The following FBLN5 variants were observed in gnomAD, a reference collection of about 807,000 sequenced individuals.
FBLN5 encodes the protein fibulin 5.
In FBLN5, 24 loss-of-function variants were observed where a neutral mutation model predicts 61.6. That is an observed-to-expected ratio of 0.39 (90% CI 0.28 to 0.55). The LOEUF (loss-of-function observed/expected upper bound fraction) is 0.55, where lower values mean the gene tolerates loss of function less well. Among genes scored for constraint, FBLN5 ranks in the 20% least tolerant of loss-of-function variants. The pLI is 0.65. For missense variants in FBLN5, 470 were observed against 594.1 expected, an observed-to-expected ratio of 0.79 and a Z score of 2.17; for synonymous variants, 213 against 219.8, an observed-to-expected ratio of 0.97 and a Z score of 0.27.
intron 4 of FBLN5, among the ~76,000 whole-genome samples, chr14:91,904,922 C>T (rs1890617679): frequency 6.6e-6 from 1 of 152,170 alleles, no homozygotes; most frequent in Non-Finnish European, 1.5e-5. Flanking sequence ...TGGGAAAGAA[C>T]TTTATTCTCA....
At chr14:91,883,141 C>G in intron 7 of FBLN5, 65 bp from the exon 8 acceptor site, 1 of 1,566,314 alleles carries the variant, frequency 6.4e-7, no homozygotes, top group Non-Finnish European at 8.8e-7. Flanking sequence ...AGCTTAGTGG[C>G]CATCTACTCC....
At chr14:91,899,500 T>C (rs1351743056) in intron 4 of FBLN5, among the ~76,000 whole-genome samples, 1 of 152,218 alleles carries the variant, frequency 6.6e-6, no homozygotes, top group Non-Finnish European at 1.5e-5. Flanking sequence ...ACAGCTCTGG[T>C]GACCTTGCAG....
chr14:91,930,825 G>A (rs932457915), intron 4 of FBLN5, among the ~76,000 whole-genome samples: 6 of 152,148 alleles, frequency 3.9e-5, no homozygotes, highest in Non-Finnish European at 8.8e-5. Flanking sequence ...TCCGAGTGAA[G>A]CCACATCAGG....
chr14:91,888,533 C>T (rs1889836790), intron 6 of FBLN5, among the ~76,000 whole-genome samples: 1 of 150,588 alleles, frequency 6.6e-6, no homozygotes, highest in African/African-American at 2.4e-5. Context: ...CGCTTGAACC[C>T]CAGAGGCAGA....
At chr14:91,880,775 T>C (rs1488719234) in intron 9 of FBLN5, among the ~76,000 whole-genome samples, 1 of 152,104 alleles carries the variant, frequency 6.6e-6, no homozygotes, top group Admixed American at 6.5e-5. Context: ...GCTCTCAAAC[T>C]CTTGAGCTCA....
At chr14:91,880,186 C>G (rs35350142) in intron 9 of FBLN5, among the ~76,000 whole-genome samples, 7,065 of 151,950 alleles carry the variant, frequency 0.046, 205 homozygotes, top group East Asian at 0.084. Flanking sequence ...CTGTCCAGCA[C>G]CTCAATACTC....
intron 4 of FBLN5, among the ~76,000 whole-genome samples, chr14:91,913,638 A>G (rs1018783964): frequency 6.6e-6 from 1 of 152,206 alleles, no homozygotes; most frequent in African/African-American, 2.4e-5. Flanking sequence ...GAGCAGAGAT[A>G]ATTCTTCTAA....
At chr14:91,891,171 C>A (rs772104783) in intron 6 of FBLN5, 50 bp downstream of exon 6, 1 of 1,025,106 alleles carries the variant, frequency 9.8e-7, no homozygotes, top group Non-Finnish European at 1.6e-6. Context: ...CTGAAGAAGG[C>A]TGCAGCTAGT....
intron 4 of FBLN5, among the ~76,000 whole-genome samples, chr14:91,919,345 AAAAAAG>A (rs377536867): frequency 0.12 from 12,879 of 111,850 alleles, 1,338 homozygotes; most frequent in South Asian, 0.19. Flanking sequence ...AAAAGAAAAA[AAAAAAG>A]AAAAGAAAAG....
intron 6 of FBLN5, among the ~76,000 whole-genome samples, chr14:91,889,002 CTG>C (rs1491000033): frequency 1.1e-4 from 17 of 152,196 alleles, no homozygotes; most frequent in Non-Finnish European, 1.3e-4. Flanking sequence ...GGTGAGCAGA[CTG>C]AGAGGCTTTT....
At chr14:91,913,153 A>G (rs1891031106) in intron 4 of FBLN5, among the ~76,000 whole-genome samples, 1 of 152,206 alleles carries the variant, frequency 6.6e-6, no homozygotes, top group African/African-American at 2.4e-5. Context: ...TGTCATTATA[A>G]GTGATAAAAA....
intron 4 of FBLN5, among the ~76,000 whole-genome samples, chr14:91,927,939 G>C (rs1320966369): frequency 6.6e-6 from 1 of 152,260 alleles, no homozygotes; most frequent in Non-Finnish European, 1.5e-5. Flanking sequence ...TCATTGAAAA[G>C]ACTGCCACGC....
rs917753649 is a variant in FBLN5 at position 91,869,942 on chromosome 14, A to G, written c.*282T>C. 6.8e-6 allele frequency: 3 copies of G among 442,338 alleles called. No homozygotes were observed. The highest frequency in any genetic ancestry group is 1.3e-5 in the Non-Finnish European group (3 of 236,890). 27.4% of individuals were successfully genotyped at this position (442,338 alleles called of 1,614,324 possible). A position where few individuals can be genotyped will look rare whatever the true frequency, so the allele number is the denominator to read the frequency against. On this transcript the variant is annotated 3_prime_UTR_variant, in exon 11 of 11. Coordinates refer to ENST00000342058, the MANE Select transcript of FBLN5 (RefSeq NM_006329.4). Reference sequence around the variant, plus strand: ...TCTATTTTCTTTGAAAATAGTGGAAATAAACTGAAGGCCTTGAAAATTCAC... The same window carrying G: ...TCTATTTTCTTTGAAAATAGTGGAAGTAAACTGAAGGCCTTGAAAATTCAC...
Position 91,910,510 on chromosome 14 carries a change from C to A in FBLN5, c.380-15438G>T, listed in dbSNP as rs151190128. Among the ~76,000 whole-genome samples the A allele has an allele frequency of 2.9e-3, 444 of 152,318 alleles. 3 individuals are homozygous for A. Among genetic ancestry groups the A allele is most frequent in the Middle Eastern group, 0.01 (3 of 294 alleles). ...TGAAAACGGTCAAGATAATACATTT[C>A]TTGTTACGCATTTTTACTACAATAA... On this transcript the variant is annotated intron_variant, in intron 4 of 10. Transcript: ENST00000342058.
intron 4 of FBLN5, among the ~76,000 whole-genome samples, chr14:91,898,341 C>T (rs1372516198): frequency 6.6e-6 from 1 of 152,074 alleles, no homozygotes; most frequent in East Asian, 1.9e-4. Flanking sequence ...TCGCAGCCCC[C>T]AGAAAGGTTT....
intron 7 of FBLN5, among the ~76,000 whole-genome samples, chr14:91,884,182 A>C (rs2139963269): frequency 6.6e-6 from 1 of 152,258 alleles, no homozygotes; most frequent in South Asian, 2.1e-4. Context: ...TGCCTCTCAC[A>C]TCCCAGAAGG....
intron 10 of FBLN5, among the ~76,000 whole-genome samples, chr14:91,876,255 CT>C (rs1009496553): frequency 9.2e-5 from 14 of 152,238 alleles, no homozygotes; most frequent in Admixed American, 9.2e-4. Context: ...AGATTTCTGT[CT>C]TCCTGCCTTG....
chr14:91,905,521 CT>C (rs1402182727), intron 4 of FBLN5, among the ~76,000 whole-genome samples: 1 of 151,888 alleles, frequency 6.6e-6, no homozygotes, highest in African/African-American at 2.4e-5. Flanking sequence ...GAAGTGCCAG[CT>C]GGCTCTTTCA....
In FBLN5 at chr14:91,895,004, C is replaced by T. The variant is rs768267828; in HGVS notation, c.448G>A (p.Gly150Arg). The change falls in exon 5 of 11, where the codon GGG becomes AGG. Residue 150 changes from glycine (G) to arginine (R), a missense_variant. Gly to Arg is a moderately radical substitution (Grantham distance 125). Coordinates refer to ENST00000342058, the MANE Select transcript of FBLN5 (RefSeq NM_006329.4). ...PTQICINTEG[G>R]YTCSCTDGYW... is the part of the protein sequence containing the mutation. Reference sequence around the variant, plus strand: ...CCGTCGGTGCAGGAGCAGGTGTACCCGCCTTCAGTATTGATGCAGATCTGG... The same window carrying T: ...CCGTCGGTGCAGGAGCAGGTGTACCTGCCTTCAGTATTGATGCAGATCTGG... 3.1e-6 allele frequency: 5 copies of T among 1,613,964 alleles called. No homozygotes were observed. Among genetic ancestry groups the T allele is most frequent in the Admixed American group, 3.3e-5 (2 of 59,998 alleles).
Sources: allele counts gnomAD v4.1 joint callset (sites outside exome capture counted in the v4.1 genomes callset), GRCh38; gene constraint gnomAD v4.1.1; transcripts MANE v1.5; gene names NCBI Gene and HGNC (gene_info 2026-07-23, HGNC 2026-07-21).